The following ADGRV1 variants were observed in gnomAD, a reference collection of about 807,000 sequenced individuals.
ADGRV1 encodes G-protein coupled receptor 98.
In ADGRV1, 359 loss-of-function variants were observed where a neutral mutation model predicts 596.2. The ratio of observed to expected loss-of-function variants is 0.60; its 90% CI spans 0.55 to 0.66. The LOEUF (loss-of-function observed/expected upper bound fraction) is 0.66. ADGRV1 is among the 30% of genes least tolerant of loss of function. The pLI is 0.00. For synonymous variants in ADGRV1, 2,681 were observed against 2,679.2 expected, an observed-to-expected ratio of 1.00 and a Z score of -0.02; for missense variants, 7,274 against 7,575.6, an observed-to-expected ratio of 0.96 and a Z score of 1.48.
At chr5:90,848,860 A>AT (rs759608382) in intron 79 of ADGRV1, 39 bp downstream of exon 79, 6 of 1,425,274 alleles carry the variant, frequency 4.2e-6, no homozygotes, top group East Asian at 2.5e-5. Context: ...CCTTTTATGC[A>AT]TTTTTTTCAC....
chr5:90,847,783 C>T (rs1766056442), intron 78 of ADGRV1, among the ~76,000 whole-genome samples: 1 of 152,214 alleles, frequency 6.6e-6, no homozygotes, highest in Non-Finnish European at 1.5e-5. Flanking sequence ...GCCCACTGAG[C>T]CCACGCCCAC....
intron 50 of ADGRV1, among the ~76,000 whole-genome samples, chr5:90,730,259 T>C (rs1363218052): frequency 6.6e-6 from 1 of 152,208 alleles, no homozygotes; most frequent in Non-Finnish European, 1.5e-5. Flanking sequence ...AATTTTCCTT[T>C]TGCAGATTAA....
intron 87 of ADGRV1, among the ~76,000 whole-genome samples, chr5:91,126,346 A>G (rs930210445): frequency 3.3e-5 from 5 of 152,210 alleles, no homozygotes; most frequent in East Asian, 1.9e-4. Flanking sequence ...ATGCTTCATA[A>G]TTTTCCAGTG....
chr5:90,753,930 T>A (rs1581008892), intron 54 of ADGRV1, 101 bp downstream of exon 54: 6 of 1,224,872 alleles, frequency 4.9e-6, no homozygotes, highest in Non-Finnish European at 6.6e-6. Context: ...TTTATATGAC[T>A]TTTTCAGTTT....
chr5:91,025,753 T>C (rs1278371587), intron 85 of ADGRV1, among the ~76,000 whole-genome samples: 1 of 152,194 alleles, frequency 6.6e-6, no homozygotes, highest in Non-Finnish European at 1.5e-5. Context: ...GCATTTATTC[T>C]AGTTACCTTC....
At chr5:90,975,742 T>C (rs909449929) in intron 84 of ADGRV1, among the ~76,000 whole-genome samples, 12 of 152,000 alleles carry the variant, frequency 7.9e-5, no homozygotes, top group Non-Finnish European at 1.3e-4. Flanking sequence ...TTAGGAGATA[T>C]ACCTAATGTA....
intron 83 of ADGRV1, among the ~76,000 whole-genome samples, chr5:90,881,852 G>A (rs967680597): frequency 8.5e-5 from 13 of 152,050 alleles, no homozygotes; most frequent in Admixed American, 4.6e-4. Context: ...TCAGCTTCCT[G>A]AGTAGTTGGG....
At chr5:90,582,376 G>C (rs1010996759) in intron 1 of ADGRV1, among the ~76,000 whole-genome samples, 2 of 152,164 alleles carry the variant, frequency 1.3e-5, no homozygotes, top group African/African-American at 4.8e-5. Flanking sequence ...GGGTGCTCTA[G>C]AGTTGGGTGT....
intron 74 of ADGRV1, among the ~76,000 whole-genome samples, chr5:90,812,384 A>G (rs907273364): frequency 6.6e-6 from 1 of 152,230 alleles, no homozygotes; most frequent in Non-Finnish European, 1.5e-5. Context: ...AGAGGGTACA[A>G]GGAATGATGT....
At chr5:90,864,991 G>T (rs1388199904) in intron 83 of ADGRV1, among the ~76,000 whole-genome samples, 1 of 152,068 alleles carries the variant, frequency 6.6e-6, no homozygotes, top group Non-Finnish European at 1.5e-5. Flanking sequence ...TAGCGTTTGT[G>T]GTGGAGCTGA....
intron 83 of ADGRV1, among the ~76,000 whole-genome samples, chr5:90,924,742 C>T (rs1581528047): frequency 1.3e-5 from 2 of 152,208 alleles, no homozygotes; most frequent in African/African-American, 4.8e-5. Context: ...CCTAGGTTTT[C>T]TTCTAGGGTT....
Position 90,853,388 on chromosome 5 carries a change from A to T in ADGRV1, c.17309A>T (p.Tyr5770Phe). 1 of 1,613,584 alleles carries T rather than the reference A, an allele frequency of 6.2e-7. No homozygotes were observed. Among genetic ancestry groups the T allele is most frequent in the Non-Finnish European group, 8.5e-7 (1 of 1,179,564 alleles). Residue 5770 changes from tyrosine to phenylalanine, a missense_variant, in exon 80 of 90, where the codon TAC (tyrosine) becomes TTC (phenylalanine). Tyr to Phe is a conservative substitution (Grantham distance 22). Transcript: ENST00000405460. ...AAGTTTGAAGGAAAGGAAGGAGATTACATTCGAATTCCAGAGAGGCTACTG... is the reference window on the plus strand; with the variant it reads ...AAGTTTGAAGGAAAGGAAGGAGATTTCATTCGAATTCCAGAGAGGCTACTG... Reference protein sequence around the residue: ...GHKFEGKEGDYIRIPERLLDV... With the variant: ...GHKFEGKEGDFIRIPERLLDV...
intron 87 of ADGRV1, among the ~76,000 whole-genome samples, chr5:91,123,864 A>G (rs1317437379): frequency 6.6e-6 from 1 of 152,212 alleles, no homozygotes; most frequent in East Asian, 1.9e-4. Flanking sequence ...TGAGAAATGT[A>G]TATCCTAGCA....
intron 76 of ADGRV1, among the ~76,000 whole-genome samples, chr5:90,826,701 A>T (rs1373535331): frequency 1.3e-5 from 2 of 152,212 alleles, no homozygotes; most frequent in East Asian, 3.8e-4. Context: ...CAAGTGGTAG[A>T]AGAGTTACAG....
intron 1 of ADGRV1, among the ~76,000 whole-genome samples, chr5:90,574,221 C>T (rs10942598): frequency 7.9e-5 from 12 of 151,502 alleles, no homozygotes; most frequent in Non-Finnish European, 1.0e-4. Flanking sequence ...TGATAGGAAT[C>T]GCATTGAATC....
At chr5:90,962,581 CTTAAA>C (rs1298851640) in intron 83 of ADGRV1, among the ~76,000 whole-genome samples, 3 of 152,098 alleles carry the variant, frequency 2.0e-5, no homozygotes, top group East Asian at 1.9e-4. Context: ...TTATTTCTGT[CTTAAA>C]TTAAGTTAAT....
rs756900107 is a variant in ADGRV1, at chr5:90,948,996, G to C, written c.17857-16419G>C. 3.9e-5 allele frequency among the ~76,000 whole-genome samples: 6 copies of C among 152,060 alleles called. No individual in the cohort carries two copies. The South Asian group carries it at 6.2e-4, about 16-fold the overall frequency. ...TAGTAAACAACTCAGGTGTCCATCA[G>C]AAGTAGAATGGATACATTTTCCTGT... On this transcript the variant is annotated intron_variant, in intron 83 of 89. Coordinates refer to ENST00000405460, the MANE Select transcript of ADGRV1 (RefSeq NM_032119.4).
chr5:90,745,578 C>T lies in ADGRV1; in HGVS notation c.10770-13C>T, dbSNP rs1470280486. On this transcript the variant is annotated splice_polypyrimidine_tract_variant and intron_variant, in intron 51 of 89. Transcript: ENST00000405460. Reference sequence around the variant, plus strand: ...TTGTAGTTGACTTATTTTGTATATGCTTCTTATGGTAGTTCAGGTGAACTG... The same window carrying T: ...TTGTAGTTGACTTATTTTGTATATGTTTCTTATGGTAGTTCAGGTGAACTG... 1 of 1,576,526 alleles carries T rather than the reference C, an allele frequency of 6.3e-7. No homozygotes were observed. Among genetic ancestry groups the T allele is most frequent in the Admixed American group, 1.7e-5 (1 of 58,320 alleles).
rs530341215 is a variant in ADGRV1, at chr5:90,563,304, C to G, written c.22+4387C>G. 7.9e-5 allele frequency among the ~76,000 whole-genome samples: 12 copies of G among 152,366 alleles called. No individual in the cohort carries two copies. The South Asian group carries it at 2.5e-3, about 32-fold the overall frequency. ...AAGTACTTGGGTTTATAATTTGCTG[C>G]TCTGTCTGAGGCTGTTGAGTGCTAG... On this transcript the variant is annotated intron_variant, in intron 1 of 89. Coordinates refer to ENST00000405460, the MANE Select transcript of ADGRV1 (RefSeq NM_032119.4).
Sources: allele counts gnomAD v4.1 joint callset (sites outside exome capture counted in the v4.1 genomes callset), GRCh38; gene constraint gnomAD v4.1.1; transcripts MANE v1.5; gene names NCBI Gene and HGNC (gene_info 2026-07-23, HGNC 2026-07-21).